PYM1: variants seen among roughly 807,000 people sequenced by gnomAD.
PYM1 encodes the protein PYM1 exon junction complex associated factor.
A neutral mutation model predicts 20.7 loss-of-function variants in PYM1; 7 were observed. The ratio of observed to expected loss-of-function variants is 0.34; its 90% CI spans 0.19 to 0.64. The LOEUF is 0.64. Ranked by LOEUF, PYM1 falls within the 30% of genes least tolerant of loss-of-function variation. The pLI is 0.74. For missense variants in PYM1, 194 were observed against 250.0 expected (o/e 0.78, Z 1.51); for synonymous variants, 100 against 99.2 (o/e 1.01, Z -0.05).
intron 1 of PYM1, among the ~76,000 whole-genome samples, chr12:55,917,945 G>T (rs2136266758): frequency 6.6e-6 from 1 of 151,598 alleles, no homozygotes; most frequent in African/African-American, 2.4e-5. Flanking sequence ...GGGCAACAAA[G>T]CAAGACTCCA....
chr12:55,927,153 C>T, intron 1 of PYM1: 3 of 1,551,258 alleles, frequency 1.9e-6, no homozygotes, highest in Non-Finnish European at 2.6e-6. Context: ...GCTGGGGTCC[C>T]GCCCCCCTCC....
At chr12:55,921,841 G>A (rs1484514442) in intron 1 of PYM1, among the ~76,000 whole-genome samples, 1 of 151,720 alleles carries the variant, frequency 6.6e-6, no homozygotes, top group Non-Finnish European at 1.5e-5. Context: ...ATTAATAAAG[G>A]AAAAGAAAAA....
intron 1 of PYM1, among the ~76,000 whole-genome samples, chr12:55,915,838 G>A (rs1211081404): frequency 6.6e-6 from 1 of 152,164 alleles, no homozygotes. Flanking sequence ...TCTGCAGGCA[G>A]AGAAAAGGGA....
At chr12:55,927,591 G>T in intron 1 of PYM1, 134 bp downstream of exon 1, 1 of 1,176,118 alleles carries the variant, frequency 8.5e-7, no homozygotes, top group Non-Finnish European at 1.2e-6. Flanking sequence ...TTCTAGGGAC[G>T]GTTGGAGACC....
Position 55,904,531 on chromosome 12 carries a change from C to G in PYM1, c.38-1051G>C, listed in dbSNP as rs530666397. On this transcript the variant is annotated intron_variant, in intron 1 of 2. Transcript: ENST00000408946. ...AAATCACTTGAACCCAGGAGGCGGA[C>G]ATTGCAGTGGGCAGAGATTGCGCCA... is the stretch of plus-strand genomic sequence containing the variant. Among the ~76,000 whole-genome samples the G allele has an allele frequency of 1.9e-3, 250 of 130,850 alleles. 3 individuals are homozygous for G. The highest frequency in any genetic ancestry group is 7.2e-3 in the African/African-American group (245 of 34,250). The allele number at this position is 130,850 out of a possible 152,430, so 85.8% of individuals were successfully genotyped here.
chr12:55,903,341 G>A (rs755076083), intron 2 of PYM1, 46 bp downstream of exon 2: 3 of 1,556,604 alleles, frequency 1.9e-6, no homozygotes, highest in East Asian at 2.2e-5. Flanking sequence ...CTATCCTTCT[G>A]TAGGGACCCC....
chr12:55,917,044 G>A (rs201971071), intron 1 of PYM1, among the ~76,000 whole-genome samples: 1 of 152,300 alleles, frequency 6.6e-6, no homozygotes, highest in East Asian at 1.9e-4. Flanking sequence ...CAAGCCAGCA[G>A]TAAACTGCAA....
At chr12:55,918,531 A>C (rs1468671267) in intron 1 of PYM1, among the ~76,000 whole-genome samples, 1 of 152,172 alleles carries the variant, frequency 6.6e-6, no homozygotes, top group African/African-American at 2.4e-5. Context: ...CCAGGAGTTC[A>C]AGACCATCCT....
intron 1 of PYM1, among the ~76,000 whole-genome samples, chr12:55,905,502 G>A (rs915561708): frequency 1.3e-5 from 2 of 150,406 alleles, no homozygotes; most frequent in African/African-American, 4.9e-5. Context: ...AGGAGTTCGA[G>A]AGCAGCCTGG....
intron 1 of PYM1, chr12:55,914,394 T>A (rs752659152): frequency 1.4e-6 from 1 of 702,144 alleles, no homozygotes. Flanking sequence ...GGGCAAAATA[T>A]CAGGACTTTC....
intron 1 of PYM1, among the ~76,000 whole-genome samples, chr12:55,923,010 G>A (rs1410241276): frequency 3.9e-5 from 6 of 152,110 alleles, no homozygotes; most frequent in East Asian, 1.9e-4. Flanking sequence ...CAGATCACCC[G>A]AGGTCAGGAG....
intron 1 of PYM1, among the ~76,000 whole-genome samples, chr12:55,915,366 C>T (rs151031481): frequency 5.9e-5 from 9 of 151,506 alleles, no homozygotes; most frequent in Admixed American, 1.3e-4. Context: ...CAGAAAAGCA[C>T]GGTGGTAAAG....
At chr12:55,914,423 A>T (rs2136263921) in intron 1 of PYM1, 1 of 695,528 alleles carries the variant, frequency 1.4e-6, no homozygotes, top group Non-Finnish European at 2.6e-6. Context: ...TCTTGCAGAG[A>T]GTCAAAAACT....
chr12:55,901,883 A>C lies in PYM1; in HGVS notation c.604T>G (p.Leu202Val), dbSNP rs1213327078. ...ALEEELEDLELGL is the reference protein window; with the variant it reads ...ALEEELEDLEVGL ...ATTCCCCAAAGGCCTCAGAGGCCTA[A>C]CTCCAAGTCCTCTAACTCCTCTTCT... The change falls in exon 3 of 3, where the codon TTA becomes GTA. Residue 202 changes from leucine to valine, a missense_variant. By Grantham distance (32) the Leu-to-Val change is conservative. Coordinates refer to ENST00000408946, the MANE Select transcript of PYM1 (RefSeq NM_032345.3). The C allele has an allele frequency of 6.2e-6, 10 of 1,607,720 alleles. No homozygotes were observed. In the African/African-American group the frequency reaches 1.3e-4, roughly 22 times the overall value.
At chr12:55,914,330 A>G (rs1882971103) in intron 1 of PYM1, 1 of 702,334 alleles carries the variant, frequency 1.4e-6, no homozygotes, top group South Asian at 1.5e-5. Flanking sequence ...CCAAGGGTGA[A>G]GTCAAAAAGA....
intron 1 of PYM1, among the ~76,000 whole-genome samples, chr12:55,905,724 G>GTGTA (rs200141760): frequency 2.4e-5 from 3 of 127,006 alleles, no homozygotes; most frequent in Non-Finnish European, 4.8e-5. Flanking sequence ...ATATATATAT[G>GTGTA]TATATATATA....
At chr12:55,917,116 A>T (rs1592640156) in intron 1 of PYM1, among the ~76,000 whole-genome samples, 1 of 151,790 alleles carries the variant, frequency 6.6e-6, no homozygotes, top group Non-Finnish European at 1.5e-5. Flanking sequence ...ATAAAAAAAA[A>T]TTTAAAAAGT....
At position 55,902,407 on chromosome 12, in the gene PYM1, T is replaced by C; in HGVS notation, c.132-52A>G. ...TTTCAGAGAATTACTGACTTTTTGA[T>C]CCCTTTTCTTAAACTTCCAAACACT... On this transcript the variant is annotated intron_variant, in intron 2 of 2. Transcript: ENST00000408946. 3 of 1,547,258 alleles carry C rather than the reference T, an allele frequency of 1.9e-6. No individual in the cohort carries two copies. The South Asian group carries it at 3.7e-5, about 19-fold the overall frequency.
intron 1 of PYM1, among the ~76,000 whole-genome samples, chr12:55,920,401 G>A (rs1308295227): frequency 6.6e-6 from 1 of 152,000 alleles, no homozygotes; most frequent in Admixed American, 6.6e-5. Flanking sequence ...CATTCTGGGA[G>A]GCCAAGGTGG....
Sources: gnomAD v4.1 joint callset for allele counts (sites outside exome capture counted in the v4.1 genomes callset) on GRCh38, gnomAD v4.1.1 for gene constraint, MANE v1.5 for transcripts, NCBI Gene and HGNC (gene_info 2026-07-23, HGNC 2026-07-21) for gene names.